CYP24A1: variants seen among roughly 807,000 people sequenced by gnomAD.
CYP24A1 encodes the protein cytochrome P450 family 24 subfamily A member 1.
Under a neutral mutation model 62.4 loss-of-function variants are expected in CYP24A1, and 68 were observed. The observed-to-expected ratio is 1.09, with a 90% CI of 0.90 to 1.33. CYP24A1 has a LOEUF of 1.33. Ranked by LOEUF, CYP24A1 falls within the 40% of genes most tolerant of loss-of-function variation. The probability of loss-of-function intolerance (pLI) is 0.00; values close to 1 mark genes in which losing one functional copy is unlikely to be tolerated. For missense variants in CYP24A1, 787 were observed against 653.0 expected (o/e 1.21, Z -2.24); for synonymous variants, 267 against 253.0 (o/e 1.06, Z -0.52).
At chr20:54,160,954 C>T (rs2092648178) in intron 7 of CYP24A1, among the ~76,000 whole-genome samples, 1 of 152,224 alleles carries the variant, frequency 6.6e-6, no homozygotes, top group Admixed American at 6.5e-5. Flanking sequence ...ATTGACTGGC[C>T]TGCTGTACCC....
intron 4 of CYP24A1, among the ~76,000 whole-genome samples, chr20:54,168,607 A>G (rs1270518440): frequency 6.6e-6 from 1 of 151,864 alleles, no homozygotes; most frequent in Non-Finnish European, 1.5e-5. Flanking sequence ...TTCCTTTAGG[A>G]CTTACCTCAA....
At chr20:54,167,565 A>C (rs1487579266) in intron 4 of CYP24A1, among the ~76,000 whole-genome samples, 1 of 152,184 alleles carries the variant, frequency 6.6e-6, no homozygotes, top group Non-Finnish European at 1.5e-5. Flanking sequence ...TGAGGTCAGC[A>C]GTTCGAGACC....
intron 7 of CYP24A1, 86 bp downstream of exon 7, chr20:54,162,631 A>G: frequency 2.7e-6 from 2 of 748,576 alleles, no homozygotes; most frequent in Non-Finnish European, 4.5e-6. Flanking sequence ...CAGTGAAATG[A>G]ATGAGATGAA....
intron 2 of CYP24A1, 106 bp downstream of exon 2, chr20:54,172,803 A>C (rs2092698374): frequency 6.3e-7 from 1 of 1,585,562 alleles, no homozygotes; most frequent in East Asian, 2.3e-5. Flanking sequence ...CCTACGTAAG[A>C]AGCTTCCAAC....
At chr20:54,163,629 T>A (rs1405987670) in intron 6 of CYP24A1, among the ~76,000 whole-genome samples, 1 of 152,190 alleles carries the variant, frequency 6.6e-6, no homozygotes, top group East Asian at 1.9e-4. Context: ...ACCTTATAGG[T>A]GTGTTGTGAG....
intron 2 of CYP24A1, among the ~76,000 whole-genome samples, chr20:54,172,649 TC>T (rs2092697807): frequency 6.6e-6 from 1 of 152,208 alleles, no homozygotes. Flanking sequence ...TTTTGGCGTT[TC>T]TTTGATGGGA....
chr20:54,158,186 T>A, intron 8 of CYP24A1, 22 bp from the exon 9 acceptor site: 1 of 1,613,292 alleles, frequency 6.2e-7, no homozygotes, highest in Non-Finnish European at 8.5e-7. Flanking sequence ...AAATCAAAGA[T>A]GTAAAGGTGA....
In CYP24A1 at chr20:54,171,568, C is replaced by G; in HGVS notation, c.543+9G>C. ...CGAGCCCCAGGAAAGCTGGCCCCAG[C>G]CTGCAGACCTCATTGATTTTGTTGT... On this transcript the variant is annotated intron_variant, in intron 3 of 11. Transcript: ENST00000216862. The G allele has an allele frequency of 6.2e-7, 1 of 1,613,886 alleles. No individual in the cohort carries two copies. Among genetic ancestry groups the G allele is most frequent in the East Asian group, 2.2e-5 (1 of 44,878 alleles).
Position 54,165,785 on chromosome 20 carries a change from T to C in CYP24A1, c.689A>G (p.Asn230Ser), listed in dbSNP as rs766328243. ...YEKRFGLLQK[N>S]AGDEAVNFIM... is the part of the protein sequence containing the mutation. The stretch of plus-strand genomic sequence containing the variant: ...GAAGTTCACAGCTTCATCCCCTGCA[T>C]TCTTCTGGAGAAGCCCAAATCTCTT... The change falls in exon 5 of 12, where the codon AAT (asparagine) becomes AGT (serine). Residue 230 changes from asparagine to serine, a missense_variant. Physicochemically the swap from Asn to Ser is conservative, Grantham distance 46. Transcript: ENST00000216862. 11 of 1,547,920 alleles carry C rather than the reference T, an allele frequency of 7.1e-6. No homozygotes were observed. The highest frequency in any genetic ancestry group is 1.7e-5 in the Admixed American group (1 of 59,934).
chr20:54,171,472 G>A (rs1328897323), intron 3 of CYP24A1, 105 bp downstream of exon 3: 30 of 1,605,768 alleles, frequency 1.9e-5, no homozygotes, highest in East Asian at 8.9e-5. Context: ...TGAATCACCC[G>A]AATTGCATTC....
chr20:54,160,302 A>G (rs912505), intron 7 of CYP24A1, among the ~76,000 whole-genome samples: 44,072 of 152,206 alleles, frequency 0.29, 7,275 homozygotes, highest in East Asian at 0.61. Flanking sequence ...ATATTGGTGG[A>G]AACAGCCAAT....
chr20:54,173,307 C>T lies in CYP24A1; in HGVS notation c.258+15G>A. 6.2e-7 allele frequency: 1 copy of T among 1,604,086 alleles called. No individual in the cohort carries two copies. Among genetic ancestry groups the T allele is most frequent in the East Asian group, 2.2e-5 (1 of 44,696 alleles). On this transcript the variant is annotated intron_variant, in intron 1 of 11. Coordinates refer to ENST00000216862, the MANE Select transcript of CYP24A1 (RefSeq NM_000782.5). This position sits in a 1 kb window ranked among gnomAD's most constrained non-coding sequence, Gnocchi z 7.2. ...AAGAGGGAGGAGAGAGTCAGGGGCG[C>T]GAAAAGGGGTTTACCAGGGTGTCGT...
chr20:54,149,773 C>T (rs1295874219), downstream of CYP24A1, among the ~76,000 whole-genome samples: 1 of 152,154 alleles, frequency 6.6e-6, no homozygotes, highest in Non-Finnish European at 1.5e-5. Context: ...CAGGTGATTC[C>T]AACACCCTCA....
Position 54,153,460 on chromosome 20 carries a change from A to T in CYP24A1, c.*1312T>A, listed in dbSNP as rs1036908892. On this transcript the variant is annotated 3_prime_UTR_variant, in exon 12 of 12. Coordinates refer to ENST00000216862, the MANE Select transcript of CYP24A1 (RefSeq NM_000782.5). ...GGGGAAGTCTCTCAAATATTTAAAA[A>T]CTTTTATTTTTACTTTCAGAGAATT... 6.6e-6 allele frequency: 1 copy of T among 152,200 alleles called. No individual in the cohort carries two copies. Among genetic ancestry groups the T allele is most frequent in the Non-Finnish European group, 1.5e-5 (1 of 68,046 alleles). The allele number at this position is 152,200 out of a possible 1,614,324, so 9.4% of individuals were successfully genotyped here.
At chr20:54,172,806 C>T in intron 2 of CYP24A1, 103 bp downstream of exon 2, 4 of 1,588,522 alleles carry the variant, frequency 2.5e-6, no homozygotes, top group Non-Finnish European at 3.4e-6. Flanking sequence ...ACGTAAGAAG[C>T]TTCCAACCCC....
chr20:54,167,988 C>G (rs1413159518), intron 4 of CYP24A1, among the ~76,000 whole-genome samples: 10 of 152,170 alleles, frequency 6.6e-5, no homozygotes, highest in Admixed American at 6.5e-4. Context: ...GCTCATACAG[C>G]CCTCCATGAG....
At chr20:54,155,235 T>C (rs1464807516) in intron 11 of CYP24A1, among the ~76,000 whole-genome samples, 1 of 152,154 alleles carries the variant, frequency 6.6e-6, no homozygotes, top group Non-Finnish European at 1.5e-5. Flanking sequence ...TAATAATGTA[T>C]TCATTTGGGC....
chr20:54,145,698 C>G, the CYP24A1 span, among the ~76,000 whole-genome samples: 1 of 151,894 alleles, frequency 6.6e-6, no homozygotes. Flanking sequence ...GAGGGCCTCC[C>G]CAACACAATT....
rs540100916 is a variant in CYP24A1, at chr20:54,164,087, C to G, written c.844+365G>C. Among the ~76,000 whole-genome samples the G allele has an allele frequency of 1.6e-4, 25 of 152,272 alleles. No homozygotes were observed. The East Asian group carries it at 3.7e-3, about 22-fold the overall frequency. ...AGTAGCTGGGATTACAGGTGCCCAC[C>G]ACCACGCCCAGCTAATTTTTGTATT... is the stretch of plus-strand genomic sequence containing the variant. On this transcript the variant is annotated intron_variant, in intron 6 of 11. Coordinates refer to ENST00000216862, the MANE Select transcript of CYP24A1 (RefSeq NM_000782.5).
Sources: gnomAD v4.1 joint callset for allele counts (sites outside exome capture counted in the v4.1 genomes callset) on GRCh38, gnomAD v4.1.1 for gene constraint, Gnocchi (gnomAD v3.1) non-coding constraint, MANE v1.5 for transcripts, NCBI Gene and HGNC (gene_info 2026-07-23, HGNC 2026-07-21) for gene names.